The following LMO1 variants were observed in gnomAD, a reference collection of about 807,000 sequenced individuals.
The protein encoded by LMO1 is rhombotin-1.
A neutral mutation model predicts 18.0 loss-of-function variants in LMO1; 10 were observed. The ratio of observed to expected loss-of-function variants is 0.55; its 90% CI spans 0.34 to 0.94. The LOEUF (loss-of-function observed/expected upper bound fraction) is 0.94. LMO1 is among the 40% of genes least tolerant of loss of function. The pLI is 0.02. For synonymous variants in LMO1, 77 were observed against 77.9 expected, an observed-to-expected ratio of 0.99 and a Z score of 0.06; for missense variants, 183 against 205.7, an observed-to-expected ratio of 0.89 and a Z score of 0.68.
intron 1 of LMO1, among the ~76,000 whole-genome samples, chr11:8,262,572 C>T (rs750389779): frequency 3.3e-5 from 5 of 152,220 alleles, no homozygotes; most frequent in Admixed American, 1.3e-4. Flanking sequence ...TTCCCGTGCC[C>T]TGCAGTTTTC....
rs75281227 is a variant in LMO1 at position 8,232,932 on chromosome 11, C to T, written c.26-2428G>A. On this transcript the variant is annotated intron_variant, in intron 1 of 3. Coordinates refer to ENST00000335790, the MANE Select transcript of LMO1 (RefSeq NM_002315.3). ...ACCCCAGCATGTTTGTCCTGGCTCC[C>T]GCAGGGTTGTAAACTCCAGCACTGG... Among the ~76,000 whole-genome samples, 782 of 152,296 alleles carry T rather than the reference C, an allele frequency of 5.1e-3. 5 individuals carry two copies. The highest frequency in any genetic ancestry group is 0.018 in the African/African-American group (753 of 41,564).
chr11:8,230,664 C>G (rs533182664), intron 1 of LMO1, among the ~76,000 whole-genome samples, 160 bp from the exon 2 acceptor site: 8 of 152,182 alleles, frequency 5.3e-5, no homozygotes, highest in Admixed American at 5.2e-4. Flanking sequence ...ACCTCCTCCC[C>G]TGGCTCCGGG....
chr11:8,241,701 T>C (rs931503678), intron 1 of LMO1, among the ~76,000 whole-genome samples: 5 of 152,118 alleles, frequency 3.3e-5, no homozygotes, highest in Non-Finnish European at 7.3e-5. Context: ...CTTATTTCAT[T>C]ATTTAAATGA....
At position 8,256,481 on chromosome 11, in the gene LMO1, G is replaced by A. The variant is rs539190247; in HGVS notation, c.25+6857C>T. Among the ~76,000 whole-genome samples the A allele has an allele frequency of 3.9e-5, 6 of 152,346 alleles. No individual in the cohort carries two copies. In the South Asian group the frequency reaches 8.3e-4, roughly 21 times the overall value. ...CCAGGGGAAGGGACAGGAGGGAGGA[G>A]CTAGTGACCTGAGCCCATGGGCCTT... is the stretch of plus-strand genomic sequence containing the variant. On this transcript the variant is annotated intron_variant, in intron 1 of 3. Coordinates refer to ENST00000335790, the MANE Select transcript of LMO1 (RefSeq NM_002315.3).
intron 1 of LMO1, among the ~76,000 whole-genome samples, chr11:8,231,433 TCTC>T (rs1290323151): frequency 1.3e-5 from 2 of 152,196 alleles, no homozygotes; most frequent in African/African-American, 2.4e-5. Context: ...CCTAGTCCCT[TCTC>T]CTGGAACCAC....
intron 1 of LMO1, among the ~76,000 whole-genome samples, chr11:8,242,706 C>T (rs1230297917): frequency 1.3e-5 from 2 of 152,180 alleles, no homozygotes; most frequent in South Asian, 2.1e-4. Context: ...CCGCAAAGCC[C>T]GCGTCACCCA....
At chr11:8,233,554 G>A (rs900063521) in intron 1 of LMO1, among the ~76,000 whole-genome samples, 2 of 152,152 alleles carry the variant, frequency 1.3e-5, no homozygotes, top group Non-Finnish European at 1.5e-5. Context: ...TGCTCTCACC[G>A]GGCTGGTCCA....
rs535028658 is a variant in LMO1, at chr11:8,250,458, T to C, written c.25+12880A>G. On this transcript the variant is annotated intron_variant, in intron 1 of 3. Transcript: ENST00000335790. ...ATTTTAGCAGTGATCTGATAAACAC[T>C]CCGAGGATCAAAGAATAGCATGAAA... Among the ~76,000 whole-genome samples the C allele has an allele frequency of 2.2e-4, 33 of 152,360 alleles. No individual in the cohort carries two copies. The South Asian group carries it at 3.5e-3, about 16-fold the overall frequency.
chr11:8,260,858 G>A (rs1475818707), intron 1 of LMO1, among the ~76,000 whole-genome samples: 2 of 152,164 alleles, frequency 1.3e-5, no homozygotes, highest in Admixed American at 6.5e-5. Context: ...GGTGCCGTAT[G>A]CAGGGAACGC....
chr11:8,250,810 G>A (rs768175034), intron 1 of LMO1, among the ~76,000 whole-genome samples: 40 of 152,224 alleles, frequency 2.6e-4, no homozygotes, highest in Non-Finnish European at 5.4e-4. Context: ...GGAAGCAGAC[G>A]CTTCTCAGTG....
intron 2 of LMO1, among the ~76,000 whole-genome samples, chr11:8,227,359 C>T (rs1428035022): frequency 1.3e-5 from 2 of 152,236 alleles, no homozygotes; most frequent in Non-Finnish European, 2.9e-5. Context: ...CATCCCAAGG[C>T]CCCCTCCCAG....
chr11:8,230,952 A>G (rs1158151573), intron 1 of LMO1, among the ~76,000 whole-genome samples: 2 of 152,204 alleles, frequency 1.3e-5, no homozygotes, highest in Non-Finnish European at 1.5e-5. Flanking sequence ...TCTTTGTGCC[A>G]ACTCGTCTTT....
chr11:8,248,779 G>A (rs1475797790), intron 1 of LMO1, among the ~76,000 whole-genome samples: 1 of 152,218 alleles, frequency 6.6e-6, no homozygotes, highest in African/African-American at 2.4e-5. Context: ...AGGAGTCAGG[G>A]ACTGATCCAT....
intron 1 of LMO1, among the ~76,000 whole-genome samples, chr11:8,246,881 C>T (rs1171826379): frequency 6.6e-6 from 1 of 152,104 alleles, no homozygotes; most frequent in African/African-American, 2.4e-5. Context: ...GGGGGCAGGC[C>T]CTGGTCACCT....
In LMO1 at chr11:8,256,577, G is replaced by T. The variant is rs563765334; in HGVS notation, c.25+6761C>A. Among the ~76,000 whole-genome samples the T allele has an allele frequency of 2.4e-4, 36 of 152,264 alleles. No individual in the cohort carries two copies. The South Asian group carries it at 6.9e-3, about 29-fold the overall frequency. Reference sequence around the variant, plus strand: ...CTCTCACACCACCTGCTTTTAATTTGCCCCCAGTTGTATCAGCTACTGTGA... The same window carrying T: ...CTCTCACACCACCTGCTTTTAATTTTCCCCCAGTTGTATCAGCTACTGTGA... On this transcript the variant is annotated intron_variant, in intron 1 of 3. Coordinates refer to ENST00000335790, the MANE Select transcript of LMO1 (RefSeq NM_002315.3).
intron 2 of LMO1, among the ~76,000 whole-genome samples, chr11:8,229,861 C>G (rs1952620822): frequency 6.6e-6 from 1 of 152,208 alleles, no homozygotes; most frequent in African/African-American, 2.4e-5. Flanking sequence ...AAGTTGGACA[C>G]TGGGAGATGG....
intron 1 of LMO1, among the ~76,000 whole-genome samples, chr11:8,247,766 T>C (rs7940839): frequency 0.088 from 13,369 of 152,262 alleles, 662 homozygotes; most frequent in African/African-American, 0.11. Flanking sequence ...TGAAATGCTG[T>C]CTTGGGAAGC....
In LMO1 at chr11:8,224,575, G is replaced by A. The variant is rs373831046; in HGVS notation, c.*41C>T. The A allele has an allele frequency of 3.9e-5, 51 of 1,298,646 alleles. No homozygotes were observed. The highest frequency in any genetic ancestry group is 5.2e-5 in the Non-Finnish European group (48 of 918,844). The allele number at this position is 1,298,646 out of a possible 1,614,324, so 80.4% of individuals were successfully genotyped here. A position where few individuals can be genotyped will look rare whatever the true frequency, so the allele number is the denominator to read the frequency against. On this transcript the variant is annotated 3_prime_UTR_variant, in exon 4 of 4. Coordinates refer to ENST00000335790, the MANE Select transcript of LMO1 (RefSeq NM_002315.3). ...TGGCCGGCCAGGCAGGTGGGCAGGC[G>A]GGCAGATGGACAGACGGGCCTGGAG... is the stretch of plus-strand genomic sequence containing the variant.
chr11:8,238,692 A>G (rs1341110536), intron 1 of LMO1, among the ~76,000 whole-genome samples: 5 of 150,832 alleles, frequency 3.3e-5, no homozygotes, highest in Non-Finnish European at 7.4e-5. Flanking sequence ...AAAAAAAAAA[A>G]GAATACTGGT....
Sources: allele counts gnomAD v4.1 joint callset (sites outside exome capture counted in the v4.1 genomes callset), GRCh38; gene constraint gnomAD v4.1.1; transcripts MANE v1.5; gene names NCBI Gene and HGNC (gene_info 2026-07-23, HGNC 2026-07-21).